Variants in COBL observed in about 807,000 individuals in gnomAD.
COBL encodes the protein protein cordon-bleu.
In COBL, 51 loss-of-function variants were observed where a neutral mutation model predicts 98.8. That is an observed-to-expected ratio of 0.52 (90% CI 0.41 to 0.65). COBL has a LOEUF of 0.65. Ranked by LOEUF, COBL falls within the 30% of genes least tolerant of loss-of-function variation. The pLI is 0.00. For synonymous variants in COBL, 634 were observed against 651.7 expected (o/e 0.97, Z 0.41); for missense variants, 1,617 against 1,617.5 (o/e 1.00, Z 0.01).
At chr7:51,272,943 CA>C (rs1419582901) in intron 1 of COBL, among the ~76,000 whole-genome samples, 1 of 145,748 alleles carries the variant, frequency 6.9e-6, no homozygotes, top group Non-Finnish European at 1.5e-5. Flanking sequence ...CTATGGAACA[CA>C]ATACCAACAA....
rs774217406 is a variant in COBL at position 51,025,128 on chromosome 7, CCT to C, written c.3747_3748del (p.Ala1251CysfsTer36). The C allele has an allele frequency of 2.9e-5, 47 of 1,611,840 alleles. 1 individual carries two copies. Among genetic ancestry groups the C allele is most frequent in the South Asian group, 6.6e-5 (6 of 90,980 alleles). On this transcript the variant is annotated frameshift_variant, in exon 12 of 13. Coordinates refer to ENST00000265136, the MANE Select transcript of COBL (RefSeq NM_015198.5). LOFTEE classifies it high-confidence loss of function. ...CATCACCTTTCTCAGTCTCGCAGCC[CCT>C]GTGCCGGAGCGGATGGCGTCCATCA...
chr7:51,211,451 C>T (rs1792422697), intron 2 of COBL, among the ~76,000 whole-genome samples: 1 of 152,224 alleles, frequency 6.6e-6, no homozygotes, highest in Non-Finnish European at 1.5e-5. Context: ...CGTGAAGTAA[C>T]ATTTTTAAGG....
At chr7:51,240,073 A>AT (rs1277182738) in intron 1 of COBL, among the ~76,000 whole-genome samples, 1 of 152,120 alleles carries the variant, frequency 6.6e-6, no homozygotes, top group Non-Finnish European at 1.5e-5. Flanking sequence ...TTTCCTGTTA[A>AT]TTTTTTTAAA....
chr7:51,021,978 T>G (rs1022952185), intron 12 of COBL, among the ~76,000 whole-genome samples: 2 of 152,190 alleles, frequency 1.3e-5, no homozygotes, highest in Non-Finnish European at 2.9e-5. Context: ...GTCTCCCTGA[T>G]GAATGCTGAA....
chr7:51,241,338 T>C (rs1252469540), intron 1 of COBL, among the ~76,000 whole-genome samples: 2 of 152,230 alleles, frequency 1.3e-5, no homozygotes, highest in Admixed American at 1.3e-4. Context: ...TGCATGTTAT[T>C]CATGACAACA....
intron 7 of COBL, among the ~76,000 whole-genome samples, chr7:51,058,515 T>A (rs1790988813): frequency 1.3e-5 from 2 of 151,986 alleles, no homozygotes; most frequent in South Asian, 4.2e-4. Flanking sequence ...ATTGCACTAA[T>A]GCACTCCAAC....
At chr7:51,051,731 G>T (rs568199690) in intron 7 of COBL, among the ~76,000 whole-genome samples, 2 of 152,298 alleles carry the variant, frequency 1.3e-5, no homozygotes, top group East Asian at 3.9e-4. Context: ...CATGAACCAG[G>T]ACTGGACTAA....
chr7:51,279,407 T>A (rs1217123178), intron 1 of COBL, among the ~76,000 whole-genome samples: 1 of 152,256 alleles, frequency 6.6e-6, no homozygotes, highest in Non-Finnish European at 1.5e-5. Context: ...AATTTTTAAC[T>A]ATATTCACCA....
intron 4 of COBL, 80 bp downstream of exon 4, chr7:51,190,770 G>A (rs1252610485): frequency 1.7e-6 from 2 of 1,155,358 alleles, no homozygotes; most frequent in African/African-American, 1.5e-5. Context: ...GAGAGTGCTG[G>A]GGAGAGCCAA....
At chr7:51,172,510 C>T (rs773496271) in intron 5 of COBL, 8 of 1,287,764 alleles carry the variant, frequency 6.2e-6, no homozygotes, top group Middle Eastern at 2.1e-4. Flanking sequence ...TGTCTGCACC[C>T]GACAGCACGA....
chr7:51,054,304 G>A (rs1469826573), intron 7 of COBL, among the ~76,000 whole-genome samples: 1 of 151,970 alleles, frequency 6.6e-6, no homozygotes, highest in Non-Finnish European at 1.5e-5. Flanking sequence ...CTTATGGACG[G>A]CTTTTTAAAT....
chr7:51,135,483 C>T (rs1233273095), intron 6 of COBL, among the ~76,000 whole-genome samples: 3 of 151,970 alleles, frequency 2.0e-5, no homozygotes, highest in East Asian at 1.9e-4. Flanking sequence ...CTGGACAGAA[C>T]GACAAGCAGG....
intron 7 of COBL, among the ~76,000 whole-genome samples, chr7:51,055,876 G>A (rs190599795): frequency 1.8e-3 from 277 of 152,320 alleles, no homozygotes; most frequent in African/African-American, 5.2e-3. Flanking sequence ...AACAACAGGC[G>A]CTGGAGTTAA....
At chr7:51,262,565 GA>G (rs1357580021) in intron 1 of COBL, among the ~76,000 whole-genome samples, 1 of 152,214 alleles carries the variant, frequency 6.6e-6, no homozygotes, top group Admixed American at 6.5e-5. Flanking sequence ...GATGCACTGG[GA>G]AGTCACGACA....
intron 2 of COBL, 30 bp from the exon 3 acceptor site, chr7:51,193,619 T>C: frequency 1.2e-5 from 19 of 1,589,130 alleles, no homozygotes; most frequent in Non-Finnish European, 1.6e-5. Context: ...TCATGATTAT[T>C]AGGAATGACT....
At chr7:51,209,134 G>C (rs192606781) in intron 2 of COBL, among the ~76,000 whole-genome samples, 1 of 149,956 alleles carries the variant, frequency 6.7e-6, no homozygotes, top group East Asian at 2.0e-4. Flanking sequence ...CCGTGACCCT[G>C]AGCATGAGCT....
At chr7:51,289,975 T>C (rs995909156) in intron 1 of COBL, among the ~76,000 whole-genome samples, 5 of 152,316 alleles carry the variant, frequency 3.3e-5, no homozygotes, top group South Asian at 2.1e-4. Context: ...TCCTCCTGCA[T>C]GCCAGCCCTA....
At chr7:51,090,483 C>A (rs1794707169) in intron 6 of COBL, among the ~76,000 whole-genome samples, 1 of 152,224 alleles carries the variant, frequency 6.6e-6, no homozygotes. Flanking sequence ...ATGGAATGTA[C>A]ATCTAACATT....
At position 51,281,839 on chromosome 7, in the gene COBL, G is replaced by A. The variant is rs138184120; in HGVS notation, c.41+34754C>T. Reference sequence around the variant, plus strand: ...ATGGAAAGAAAACTTGGAACATGAGGAGGAACAGACATGTTAAACATCTAG... The same window carrying A: ...ATGGAAAGAAAACTTGGAACATGAGAAGGAACAGACATGTTAAACATCTAG... On this transcript the variant is annotated intron_variant, in intron 1 of 12. Transcript: ENST00000265136. Among the ~76,000 whole-genome samples, 182 of 152,254 alleles carry A rather than the reference G, an allele frequency of 1.2e-3. 1 individual carries two copies. Among genetic ancestry groups the A allele is most frequent in the African/African-American group, 4.2e-3 (175 of 41,574 alleles).
Sources: allele counts gnomAD v4.1 joint callset (sites outside exome capture counted in the v4.1 genomes callset), GRCh38; gene constraint gnomAD v4.1.1; transcripts MANE v1.5; gene names NCBI Gene and HGNC (gene_info 2026-07-23, HGNC 2026-07-21).